Variants in TESMIN observed in about 807,000 individuals in gnomAD.
TESMIN encodes testis expressed metallothionein like protein.
A neutral mutation model predicts 47.4 loss-of-function variants in TESMIN; 34 were observed. That is an observed-to-expected ratio of 0.72 (90% confidence interval 0.55 to 0.96). The LOEUF is 0.96. Ranked by LOEUF, TESMIN falls within the 40% of genes least tolerant of loss-of-function variation. The pLI, the probability that TESMIN is intolerant of heterozygous loss-of-function variation, is 0.00. For synonymous variants in TESMIN, 278 were observed against 258.9 expected (o/e 1.07, Z -0.71); for missense variants, 610 against 637.2 (o/e 0.96, Z 0.46).
At chr11:68,748,402 A>T (rs1475436276) in intron 2 of TESMIN, among the ~76,000 whole-genome samples, 1 of 150,404 alleles carries the variant, frequency 6.6e-6, no homozygotes, top group Non-Finnish European at 1.5e-5. Context: ...ATACACATAA[A>T]ATTTTCTTCT....
chr11:68,711,390 A>C (rs528792533), intron 8 of TESMIN, among the ~76,000 whole-genome samples: 2 of 149,740 alleles, frequency 1.3e-5, no homozygotes, highest in East Asian at 3.9e-4. Flanking sequence ...TATATGTGTG[A>C]GTGAATGTGA....
chr11:68,720,366 T>C (rs529670768), intron 6 of TESMIN, among the ~76,000 whole-genome samples: 4 of 152,316 alleles, frequency 2.6e-5, no homozygotes, highest in African/African-American at 9.6e-5. Flanking sequence ...GGGTGGGCTG[T>C]CCACATGTGC....
intron 6 of TESMIN, among the ~76,000 whole-genome samples, chr11:68,716,701 T>C (rs558082324): frequency 2.0e-5 from 3 of 152,200 alleles, no homozygotes; most frequent in Admixed American, 6.5e-5. Context: ...GCTCCTGCAT[T>C]GTAAGGCAGA....
intron 2 of TESMIN, among the ~76,000 whole-genome samples, chr11:68,748,903 T>G (rs1021705525): frequency 6.6e-6 from 1 of 152,192 alleles, no homozygotes; most frequent in African/African-American, 2.4e-5. Flanking sequence ...TGGTGCAATC[T>G]CGGCTCACTG....
chr11:68,749,295 A>G (rs745801880), intron 2 of TESMIN, among the ~76,000 whole-genome samples: 9 of 152,226 alleles, frequency 5.9e-5, no homozygotes, highest in African/African-American at 1.7e-4. Context: ...GGCAATTACC[A>G]TAACAGAAAA....
At chr11:68,737,381 C>G in intron 6 of TESMIN, 1 of 985,534 alleles carries the variant, frequency 1.0e-6, no homozygotes, top group Non-Finnish European at 1.2e-6. Context: ...CAACCAACGC[C>G]CTTCAGCGAC....
At chr11:68,737,567 G>A in intron 6 of TESMIN, 1 of 985,632 alleles carries the variant, frequency 1.0e-6, no homozygotes, top group Non-Finnish European at 1.2e-6. Flanking sequence ...CCTGTAAGGT[G>A]TTTGACTGCT....
intron 2 of TESMIN, among the ~76,000 whole-genome samples, chr11:68,749,634 A>G (rs1257833064): frequency 6.6e-6 from 1 of 152,210 alleles, no homozygotes; most frequent in Non-Finnish European, 1.5e-5. Context: ...TTTACATTGC[A>G]TATGCTTGAA....
chr11:68,732,124 A>G (rs1195723272), intron 6 of TESMIN, among the ~76,000 whole-genome samples: 1 of 152,164 alleles, frequency 6.6e-6, no homozygotes, highest in Non-Finnish European at 1.5e-5. Flanking sequence ...CCCACTGCAC[A>G]CAGCACTTCG....
At chr11:68,713,541 G>C in intron 7 of TESMIN, 134 bp from the exon 8 acceptor site, 1 of 920,124 alleles carries the variant, frequency 1.1e-6, no homozygotes, top group Non-Finnish European at 1.6e-6. Context: ...TGGTTCAGAA[G>C]GTGCAGCCCC....
Position 68,750,272 on chromosome 11 carries a change from G to T in TESMIN, c.389C>A (p.Pro130His). 1.3e-6 allele frequency: 2 copies of T among 1,547,900 alleles called. No homozygotes were observed. Among genetic ancestry groups the T allele is most frequent in the Non-Finnish European group, 1.7e-6 (2 of 1,155,898 alleles). ...CAACACCGCCGGGCTGCGGTGCGCG[G>T]GTAGCAGCGAGGACAGGAAGTGCAC... The part of the protein sequence containing the change: ...CNVHFLSSLL[P>H]AHRSPAVLPL... The change falls in exon 2 of 10, where the codon CCC becomes CAC. Residue 130 changes from proline (P) to histidine (H), a missense_variant. By Grantham distance (77) the Pro-to-His change is moderately conservative (BLOSUM62 -2). Coordinates refer to ENST00000255087, the MANE Select transcript of TESMIN (RefSeq NM_004923.3).
intron 6 of TESMIN, chr11:68,737,149 T>G (rs1242451227): frequency 1.1e-5 from 11 of 985,284 alleles, no homozygotes; most frequent in Non-Finnish European, 1.3e-5. Flanking sequence ...GTAGCTGAAG[T>G]CATTTTTGTT....
chr11:68,716,678 T>G (rs1946143341), intron 6 of TESMIN, among the ~76,000 whole-genome samples: 2 of 152,248 alleles, frequency 1.3e-5, no homozygotes, highest in African/African-American at 4.8e-5. Flanking sequence ...TCCCAAGGTC[T>G]TGTAAGACGC....
chr11:68,726,590 T>G (rs1184678745), intron 6 of TESMIN, among the ~76,000 whole-genome samples: 5 of 152,214 alleles, frequency 3.3e-5, no homozygotes, highest in African/African-American at 1.2e-4. Flanking sequence ...GAGAAGATAA[T>G]TATTTCATAT....
chr11:68,716,853 C>T (rs1946145751), intron 6 of TESMIN, among the ~76,000 whole-genome samples: 1 of 152,252 alleles, frequency 6.6e-6, no homozygotes, highest in Admixed American at 6.5e-5. Context: ...CACCCCATGG[C>T]TTCCACCTGT....
At chr11:68,744,041 G>C (rs1399160997) in intron 4 of TESMIN, among the ~76,000 whole-genome samples, 1 of 152,198 alleles carries the variant, frequency 6.6e-6, no homozygotes, top group Non-Finnish European at 1.5e-5. Context: ...TGAACCTATA[G>C]GAGATGAGGC....
chr11:68,717,625 C>A (rs1433960395), intron 6 of TESMIN, among the ~76,000 whole-genome samples: 2 of 152,128 alleles, frequency 1.3e-5, no homozygotes, highest in African/African-American at 4.8e-5. Context: ...GAATGCTGAA[C>A]CTGAAGTCAG....
chr11:68,750,947 CAGGTGA>C, intron 1 of TESMIN, among the ~76,000 whole-genome samples: 1 of 106,520 alleles, frequency 9.4e-6, no homozygotes, highest in Non-Finnish European at 1.8e-5. Context: ...GAGGGGCGGC[CAGGTGA>C]GGGGCGGCCA....
intron 5 of TESMIN, 55 bp from the exon 6 acceptor site, chr11:68,738,843 C>T (rs1946422521): frequency 2.6e-5 from 38 of 1,434,182 alleles, no homozygotes; most frequent in African/African-American, 4.2e-5. Context: ...TTTAAAGTTC[C>T]AGTCAGCCAG....
Sources: gnomAD v4.1 joint callset for allele counts (sites outside exome capture counted in the v4.1 genomes callset) on GRCh38, gnomAD v4.1.1 for gene constraint, MANE v1.5 for transcripts, NCBI Gene and HGNC (gene_info 2026-07-23, HGNC 2026-07-21) for gene names.